IMMP2L: variants seen among roughly 807,000 people sequenced by gnomAD.
IMMP2L encodes the protein inner mitochondrial membrane peptidase subunit 2.
Under a neutral mutation model 19.3 loss-of-function variants are expected in IMMP2L, and 18 were observed. The ratio of observed to expected loss-of-function variants is 0.93; its 90% CI spans 0.64 to 1.38. IMMP2L has a LOEUF of 1.38. IMMP2L is among the 40% of genes most tolerant of loss of function. IMMP2L has a pLI of 0.00. For missense variants in IMMP2L, 233 were observed against 218.2 expected (o/e 1.07, Z -0.43); for synonymous variants, 76 against 73.0 (o/e 1.04, Z -0.21).
intron 4 of IMMP2L, among the ~76,000 whole-genome samples, chr7:110,915,234 CAT>C (rs1045380027): frequency 2.6e-5 from 4 of 152,218 alleles, no homozygotes; most frequent in African/African-American, 7.2e-5. Context: ...GTGATGCACT[CAT>C]GTGCACGCGC....
At chr7:111,017,024 T>C (rs984511385) in intron 3 of IMMP2L, among the ~76,000 whole-genome samples, 14 of 136,392 alleles carry the variant, frequency 1.0e-4, no homozygotes, top group Admixed American at 5.9e-4. Context: ...ATAGTCATTA[T>C]ACTCAACAGA....
chr7:111,208,100 T>C (rs1034211099), intron 3 of IMMP2L, among the ~76,000 whole-genome samples: 8 of 152,144 alleles, frequency 5.3e-5, no homozygotes, highest in Non-Finnish European at 7.3e-5. Flanking sequence ...CAGGACCTAA[T>C]GGACTCAAAC....
At chr7:111,052,817 T>G (rs975946653) in intron 3 of IMMP2L, among the ~76,000 whole-genome samples, 3 of 152,136 alleles carry the variant, frequency 2.0e-5, no homozygotes, top group African/African-American at 7.2e-5. Flanking sequence ...GACAGAGACT[T>G]TATAGTGTGG....
At chr7:110,792,273 C>CA (rs1217853773) in intron 5 of IMMP2L, among the ~76,000 whole-genome samples, 9 of 151,514 alleles carry the variant, frequency 5.9e-5, no homozygotes, top group African/African-American at 2.2e-4. Flanking sequence ...ATACTTACCT[C>CA]CTAGAGTTAG....
chr7:111,251,141 T>C (rs1467272505), intron 3 of IMMP2L, among the ~76,000 whole-genome samples: 1 of 152,048 alleles, frequency 6.6e-6, no homozygotes, highest in African/African-American at 2.4e-5. Flanking sequence ...AGTAAACATA[T>C]GAAAAAAGCT....
chr7:110,834,970 A>T (rs551138053), intron 5 of IMMP2L, among the ~76,000 whole-genome samples: 1 of 152,224 alleles, frequency 6.6e-6, no homozygotes, highest in African/African-American at 2.4e-5. Context: ...CCAGGTAAAC[A>T]CTGAGTGCCA....
At chr7:110,776,038 C>T (rs1015699931) in intron 5 of IMMP2L, among the ~76,000 whole-genome samples, 2 of 151,854 alleles carry the variant, frequency 1.3e-5, no homozygotes, top group African/African-American at 4.8e-5. Flanking sequence ...AAACATCATA[C>T]TCCTGCCAAT....
chr7:110,930,526 T>C (rs976549685), intron 4 of IMMP2L, among the ~76,000 whole-genome samples: 2 of 152,140 alleles, frequency 1.3e-5, no homozygotes, highest in African/African-American at 2.4e-5. Context: ...GGTTATATTA[T>C]TTCTACTTTA....
chr7:111,214,065 A>T (rs1190560080), intron 3 of IMMP2L, among the ~76,000 whole-genome samples: 3 of 152,118 alleles, frequency 2.0e-5, no homozygotes, highest in Non-Finnish European at 2.9e-5. Context: ...AAATCAATTA[A>T]ATAGGCAGGT....
At chr7:110,771,373 G>A (rs1036551891) in intron 5 of IMMP2L, among the ~76,000 whole-genome samples, 3 of 152,048 alleles carry the variant, frequency 2.0e-5, no homozygotes, top group African/African-American at 7.2e-5. Flanking sequence ...AAAAAAACAA[G>A]GCTCATCTTA....
In IMMP2L at chr7:111,141,053, A is replaced by G. The variant is rs10260023; in HGVS notation, c.240-177488T>C. Among the ~76,000 whole-genome samples, 1,435 of 152,282 alleles carry G rather than the reference A, an allele frequency of 9.4e-3. 24 individuals are homozygous for G. Among genetic ancestry groups the G allele is most frequent in the African/African-American group, 0.032 (1,330 of 41,546 alleles). On this transcript the variant is annotated intron_variant, in intron 3 of 5. Transcript: ENST00000405709. ...TGAAAAATGAATGGCTAGTTGGTGA[A>G]AGAGTCAGGACTAGCACTCAGATCT...
chr7:111,095,611 T>A, intron 3 of IMMP2L, among the ~76,000 whole-genome samples: 1 of 151,922 alleles, frequency 6.6e-6, no homozygotes, highest in East Asian at 1.9e-4. Flanking sequence ...TCATAAAAAT[T>A]AGAGTTTTGC....
intron 3 of IMMP2L, among the ~76,000 whole-genome samples, chr7:111,456,579 T>C (rs528111128): frequency 2.6e-5 from 4 of 152,296 alleles, no homozygotes; most frequent in Admixed American, 6.5e-5. Flanking sequence ...ATTCTAAATA[T>C]TTATGAACGA....
chr7:110,908,797 T>C lies in IMMP2L; in HGVS notation c.306-22102A>G, dbSNP rs564414797. On this transcript the variant is annotated intron_variant, in intron 4 of 5. Transcript: ENST00000405709. ...TGAAGTAAATAACTGGATTCACAAATGAAATTTAAATTCCCAGTTCACTGA... is the reference window on the plus strand; with the variant it reads ...TGAAGTAAATAACTGGATTCACAAACGAAATTTAAATTCCCAGTTCACTGA... Among the ~76,000 whole-genome samples, 16 of 152,350 alleles carry C rather than the reference T, an allele frequency of 1.1e-4. No individual in the cohort carries two copies. In the South Asian group the frequency reaches 3.1e-3, roughly 30 times the overall value.
intron 5 of IMMP2L, among the ~76,000 whole-genome samples, chr7:110,713,129 C>G (rs1795006279): frequency 6.6e-6 from 1 of 151,658 alleles, no homozygotes. Context: ...TTGCATATGT[C>G]TAGCCAGTTA....
In IMMP2L at chr7:111,415,161, G is replaced by A. The variant is rs192588609; in HGVS notation, c.239+72077C>T. ...GAGAGCTTTTCCTGTTGGTCTTAAA[G>A]AAGGGGGCCTGTATAGGAGCCATGT... On this transcript the variant is annotated intron_variant, in intron 3 of 5. Transcript: ENST00000405709. Among the ~76,000 whole-genome samples, 363 of 151,902 alleles carry A rather than the reference G, an allele frequency of 2.4e-3. 2 individuals are homozygous for A. Among genetic ancestry groups the A allele is most frequent in the Non-Finnish European group, 3.4e-3 (234 of 68,012 alleles).
At position 111,309,655 on chromosome 7, in the gene IMMP2L, T is replaced by C. The variant is rs79986757; in HGVS notation, c.239+177583A>G. Among the ~76,000 whole-genome samples the C allele has an allele frequency of 8.8e-3, 1,335 of 152,272 alleles. 24 individuals are homozygous for C. The highest frequency in any genetic ancestry group is 0.03 in the African/African-American group (1,257 of 41,542). Reference sequence around the variant, plus strand: ...GGATGAAAAAAAGATCATATGCTTATTTTCACTAACAATTAGCTAAAAGTT... The same window carrying C: ...GGATGAAAAAAAGATCATATGCTTACTTTCACTAACAATTAGCTAAAAGTT... On this transcript the variant is annotated intron_variant, in intron 3 of 5. Coordinates refer to ENST00000405709, the MANE Select transcript of IMMP2L (RefSeq NM_032549.4).
chr7:110,766,745 A>G (rs1422411951), intron 5 of IMMP2L, among the ~76,000 whole-genome samples: 1 of 152,038 alleles, frequency 6.6e-6, no homozygotes, highest in Admixed American at 6.6e-5. Context: ...ATTTGTCCTA[A>G]CTTTTTATTT....
chr7:111,008,224 G>T (rs1354246668), intron 3 of IMMP2L, among the ~76,000 whole-genome samples: 1 of 151,970 alleles, frequency 6.6e-6, no homozygotes, highest in Non-Finnish European at 1.5e-5. Flanking sequence ...TCCACCAAGG[G>T]ATGTAAGACC....
Sources: allele counts gnomAD v4.1 joint callset (sites outside exome capture counted in the v4.1 genomes callset), GRCh38; gene constraint gnomAD v4.1.1; transcripts MANE v1.5; gene names NCBI Gene and HGNC (gene_info 2026-07-23, HGNC 2026-07-21).